Variants in FOCAD observed in about 807,000 individuals in gnomAD.
The protein encoded by FOCAD is KIAA1797.
FOCAD carries 198 observed loss-of-function variants against 225.6 expected under a neutral mutation model. The observed-to-expected ratio is 0.88, with a 90% CI of 0.78 to 0.99. The LOEUF is 0.99. FOCAD is among the 50% of genes least tolerant of loss of function. FOCAD has a pLI of 0.00. For synonymous variants in FOCAD, 897 were observed against 755.0 expected, an observed-to-expected ratio of 1.19 and a Z score of -3.08; for missense variants, 2,713 against 2,123.6, an observed-to-expected ratio of 1.28 and a Z score of -5.46.
At chr9:20,889,860 A>ACC (rs890278971) in intron 21 of FOCAD, among the ~76,000 whole-genome samples, 2 of 152,176 alleles carry the variant, frequency 1.3e-5, no homozygotes, top group Non-Finnish European at 1.5e-5. Flanking sequence ...GAGTATCTAG[A>ACC]CCCATGAACA....
At chr9:20,876,607 A>G (rs1830247157) in intron 19 of FOCAD, among the ~76,000 whole-genome samples, 1 of 152,166 alleles carries the variant, frequency 6.6e-6, no homozygotes. Context: ...TGTTTGAGAA[A>G]ATTTAGTAAT....
rs938577574 is a variant in FOCAD, at chr9:20,667,376, G to A, written c.-78+8550G>A. 3.3e-5 allele frequency among the ~76,000 whole-genome samples: 5 copies of A among 152,314 alleles called. No homozygotes were observed. In the South Asian group the frequency reaches 8.3e-4, roughly 25 times the overall value. On this transcript the variant is annotated intron_variant, in intron 2 of 45. Coordinates refer to the FOCAD transcript ENST00000380249. ...TCTTGTTGGCAGTCTTAAAGCTAAA[G>A]CAAAGTCTACAAATGCATTAACCCA...
rs1380633772 is a variant in FOCAD, at chr9:20,699,987, C to T, written c.-32-15335C>T. Among the ~76,000 whole-genome samples the T allele has an allele frequency of 7.9e-5, 12 of 151,328 alleles. No homozygotes were observed. The East Asian group carries it at 1.7e-3, about 22-fold the overall frequency. Reference sequence around the variant, plus strand: ...CCTCTTCTGATTCTTGAATATGCTGCTTGATATTTCCACGCTAATATGAAA... The same window carrying T: ...CCTCTTCTGATTCTTGAATATGCTGTTTGATATTTCCACGCTAATATGAAA... On this transcript the variant is annotated intron_variant, in intron 1 of 43. Coordinates refer to ENST00000338382, the MANE Select transcript of FOCAD (RefSeq NM_001375567.1).
chr9:20,693,991 G>C (rs911375655), intron 1 of FOCAD, among the ~76,000 whole-genome samples: 4 of 152,210 alleles, frequency 2.6e-5, no homozygotes, highest in African/African-American at 9.6e-5. Flanking sequence ...GATTGCAGGT[G>C]TGAGCCACCG....
upstream of FOCAD, among the ~76,000 whole-genome samples, chr9:20,655,692 G>A (rs191287925): frequency 7.9e-4 from 120 of 152,042 alleles, no homozygotes; most frequent in Admixed American, 5.9e-3. Flanking sequence ...TCTTGCTAGC[G>A]GTCTATCAAT....
chr9:20,939,010 C>T (rs377116531), intron 28 of FOCAD, among the ~76,000 whole-genome samples: 1 of 150,404 alleles, frequency 6.6e-6, no homozygotes, highest in East Asian at 1.9e-4. Context: ...ATTAGCAGGG[C>T]GTGGTTGCAG....
chr9:20,749,497 A>T (rs1828354982), intron 5 of FOCAD, among the ~76,000 whole-genome samples: 1 of 152,112 alleles, frequency 6.6e-6, no homozygotes. Flanking sequence ...ATTTTTCGTT[A>T]TGCATCTTCT....
At chr9:20,781,514 T>C (rs538104595) in intron 9 of FOCAD, among the ~76,000 whole-genome samples, 47 of 152,322 alleles carry the variant, frequency 3.1e-4, no homozygotes, top group African/African-American at 1.1e-3. Flanking sequence ...TCATCAATTT[T>C]TCAGTTATAT....
intron 15 of FOCAD, among the ~76,000 whole-genome samples, chr9:20,825,293 T>G (rs1481617981): frequency 6.6e-6 from 1 of 152,004 alleles, no homozygotes; most frequent in African/African-American, 2.4e-5. Flanking sequence ...TGGGGGCTCA[T>G]CTTTTGTTTT....
At chr9:20,762,816 C>G (rs184276637) in intron 6 of FOCAD, among the ~76,000 whole-genome samples, 1 of 151,946 alleles carries the variant, frequency 6.6e-6, no homozygotes, top group Non-Finnish European at 1.5e-5. Flanking sequence ...CAGCCCTTGC[C>G]CCTCCTTCCC....
At position 20,982,368 on chromosome 9, in the gene FOCAD, A is replaced by G; in HGVS notation, c.4650A>G (p.Leu1550=). The change falls in exon 39 of 44, where the codon CTA becomes CTG. Residue 1550 remains leucine, a synonymous_variant. Coordinates refer to ENST00000338382, the MANE Select transcript of FOCAD (RefSeq NM_001375567.1). ...TTTTTCTTTATCAGAGAAAGGATCTAGAGCTGTATATCAGCATAGCAAAAT... is the reference window on the plus strand; with the variant it reads ...TTTTTCTTTATCAGAGAAAGGATCTGGAGCTGTATATCAGCATAGCAAAAT... ...LLPNKIRRKD[L]ELYISIAKCL... The G allele has an allele frequency of 1.2e-6, 2 of 1,612,548 alleles. No homozygotes were observed. Among genetic ancestry groups the G allele is most frequent in the Non-Finnish European group, 1.7e-6 (2 of 1,178,646 alleles).
At chr9:20,849,331 A>G (rs1469921867) in intron 15 of FOCAD, among the ~76,000 whole-genome samples, 7 of 149,906 alleles carry the variant, frequency 4.7e-5, no homozygotes, top group Non-Finnish European at 8.9e-5. Flanking sequence ...TCAACCATCT[A>G]TCCTCTCCTT....
rs536626961 is a variant in FOCAD at position 20,719,358 on chromosome 9, C to T, written c.133-1022C>T. Among the ~76,000 whole-genome samples, 8 of 152,330 alleles carry T rather than the reference C, an allele frequency of 5.3e-5. No individual in the cohort carries two copies. In the East Asian group the frequency reaches 1.5e-3, roughly 29 times the overall value. ...TTGGCCTCCCAAAGTGTTGGGATTA[C>T]AGGCATGAGCCACAGTGCCTGGCCT... On this transcript the variant is annotated intron_variant, in intron 3 of 43. Transcript: ENST00000338382.
chr9:20,856,770 T>C (rs1269625532), intron 15 of FOCAD, among the ~76,000 whole-genome samples: 1 of 152,004 alleles, frequency 6.6e-6, no homozygotes, highest in African/African-American at 2.4e-5. Flanking sequence ...TTTTTATGTA[T>C]GGTGAGAGAT....
intron 1 of FOCAD, among the ~76,000 whole-genome samples, chr9:20,685,471 C>T (rs1370927506): frequency 6.6e-6 from 1 of 152,208 alleles, no homozygotes; most frequent in Non-Finnish European, 1.5e-5. Flanking sequence ...TATCTGTCCA[C>T]ATTCACTTTT....
intron 24 of FOCAD, 44 bp downstream of exon 24, chr9:20,916,981 C>G: frequency 6.7e-7 from 1 of 1,492,922 alleles, no homozygotes. Flanking sequence ...TTATAAATAC[C>G]TTTTCCTGGC....
chr9:20,956,827 G>A (rs1184049915), intron 35 of FOCAD, among the ~76,000 whole-genome samples: 3 of 151,886 alleles, frequency 2.0e-5, no homozygotes, highest in African/African-American at 7.3e-5. Context: ...GCTGCTTCTG[G>A]GATTACAGCC....
rs539231126 is a variant in FOCAD at position 20,679,121 on chromosome 9, A to ATGTGTGTGTGTG, written c.-77-15359_-77-15348dup. Among the ~76,000 whole-genome samples, 198 of 122,038 alleles carry ATGTGTGTGTGTG rather than the reference A, an allele frequency of 1.6e-3. 4 individuals are homozygous for ATGTGTGTGTGTG. Among genetic ancestry groups the ATGTGTGTGTGTG allele is most frequent in the Admixed American group, 3.3e-3 (39 of 11,884 alleles). The allele number at this position is 122,038 out of a possible 152,430, so 80.1% of individuals were successfully genotyped here. On this transcript the variant is annotated intron_variant, in intron 2 of 45. Transcript: ENST00000380249. ...CAAAGGGGCAACAGACAGTCTGTGT[A>ATGTGTGTGTGTG]TGTGTGTGTGTGTGTGTGTGTGTGT... is the stretch of plus-strand genomic sequence containing the variant.
chr9:20,859,187 T>C (rs2131673691), intron 15 of FOCAD, among the ~76,000 whole-genome samples: 1 of 152,190 alleles, frequency 6.6e-6, no homozygotes, highest in Non-Finnish European at 1.5e-5. Flanking sequence ...TGAGTCTGAC[T>C]AACATGGTGA....
Sources: allele counts gnomAD v4.1 joint callset (sites outside exome capture counted in the v4.1 genomes callset), GRCh38; gene constraint gnomAD v4.1.1; transcripts MANE v1.5; gene names NCBI Gene and HGNC (gene_info 2026-07-23, HGNC 2026-07-21).